Variants in FCHO2 observed in about 807,000 individuals in gnomAD.
FCHO2 encodes FCH and mu domain containing endocytic adaptor 2, also known as F-BAR domain only protein 2.
In FCHO2, 43 loss-of-function variants were observed where a neutral mutation model predicts 114.1. The observed-to-expected ratio is 0.38, with a 90% confidence interval of 0.30 to 0.49. FCHO2 has a LOEUF of 0.49. Among genes scored for constraint, FCHO2 ranks in the 20% least tolerant of loss-of-function variants. The pLI is 0.97. For synonymous variants in FCHO2, 293 were observed against 315.2 expected (o/e 0.93, Z 0.75); for missense variants, 807 against 950.4 (o/e 0.85, Z 1.98).
intron 11 of FCHO2, among the ~76,000 whole-genome samples, chr5:73,049,026 G>A (rs1401320865): frequency 2.0e-5 from 3 of 150,892 alleles, no homozygotes; most frequent in East Asian, 3.9e-4. Context: ...ACAGGCGCCC[G>A]CTACCACGCC....
At chr5:72,974,143 T>C (rs1752727219) in intron 2 of FCHO2, among the ~76,000 whole-genome samples, 3 of 149,776 alleles carry the variant, frequency 2.0e-5, no homozygotes, top group South Asian at 2.1e-4. Flanking sequence ...AGTTTTGGAA[T>C]AGGTGTGGTG....
At chr5:73,080,422 C>T (rs1475898715) in intron 22 of FCHO2, among the ~76,000 whole-genome samples, 3 of 152,140 alleles carry the variant, frequency 2.0e-5, no homozygotes, top group Admixed American at 6.5e-5. Context: ...ATCAGAAATA[C>T]ACAGTTGGAT....
At chr5:73,050,632 T>C (rs1375816925) in intron 11 of FCHO2, among the ~76,000 whole-genome samples, 6 of 152,292 alleles carry the variant, frequency 3.9e-5, no homozygotes, top group Non-Finnish European at 8.8e-5. Flanking sequence ...TCTGTGTTTT[T>C]ATTGGCAAGA....
intron 6 of FCHO2, among the ~76,000 whole-genome samples, chr5:73,012,220 G>A (rs1025104444): frequency 3.3e-5 from 5 of 152,148 alleles, no homozygotes; most frequent in African/African-American, 1.2e-4. Flanking sequence ...GATGTCACTA[G>A]GCAATAGAAA....
chr5:73,067,594 G>T (rs1742416145), intron 18 of FCHO2, among the ~76,000 whole-genome samples: 1 of 152,016 alleles, frequency 6.6e-6, no homozygotes, highest in African/African-American at 2.4e-5. Flanking sequence ...ATTGACTAGT[G>T]TATGAATGCA....
chr5:72,976,302 C>T (rs1395179608), intron 2 of FCHO2, among the ~76,000 whole-genome samples: 1 of 152,082 alleles, frequency 6.6e-6, no homozygotes, highest in East Asian at 1.9e-4. Flanking sequence ...TAGTCTCGAA[C>T]TCCTGGCCTC....
intron 16 of FCHO2, among the ~76,000 whole-genome samples, chr5:73,056,496 A>G (rs1166128334): frequency 2.0e-5 from 3 of 152,006 alleles, no homozygotes; most frequent in Non-Finnish European, 4.4e-5. Context: ...CTTTTTTTCT[A>G]GAGTTTTATT....
chr5:73,009,360 T>TC (rs1754878031), intron 6 of FCHO2, among the ~76,000 whole-genome samples: 1 of 152,270 alleles, frequency 6.6e-6, no homozygotes, highest in African/African-American at 2.4e-5. Context: ...TCATTAATTT[T>TC]TAAAATTGGA....
intron 23 of FCHO2, among the ~76,000 whole-genome samples, chr5:73,082,289 C>G (rs1045690690): frequency 7.4e-6 from 1 of 135,260 alleles, no homozygotes; most frequent in African/African-American, 2.7e-5. Context: ...TTAAAAAATA[C>G]AAATATTTTA....
intron 16 of FCHO2, 119 bp from the exon 17 acceptor site, chr5:73,058,314 A>G (rs1049090285): frequency 1.6e-6 from 1 of 631,560 alleles, no homozygotes; most frequent in African/African-American, 1.8e-5. Context: ...CCTGGCCCTA[A>G]CTTTTTAATT....
chr5:73,067,363 A>G (rs766388515), intron 18 of FCHO2, among the ~76,000 whole-genome samples: 6 of 152,022 alleles, frequency 3.9e-5, no homozygotes, highest in South Asian at 2.1e-4. Context: ...GTTCACCCCA[A>G]TGTCCTGCAC....
chr5:73,051,480 T>C (rs535284039), intron 12 of FCHO2, 74 bp downstream of exon 12: 14 of 857,118 alleles, frequency 1.6e-5, no homozygotes, highest in Non-Finnish European at 2.5e-5. Flanking sequence ...AAATCATGTA[T>C]TAAAGCCTCT....
At chr5:72,998,223 C>T (rs770256244) in intron 5 of FCHO2, among the ~76,000 whole-genome samples, 40 of 152,070 alleles carry the variant, frequency 2.6e-4, no homozygotes, top group Non-Finnish European at 1.8e-4. Context: ...CGCGGTGGCT[C>T]ACACCTGTAA....
intron 2 of FCHO2, among the ~76,000 whole-genome samples, chr5:72,970,103 G>T (rs990134005): frequency 6.6e-6 from 1 of 152,064 alleles, no homozygotes; most frequent in African/African-American, 2.4e-5. Context: ...AGTTGGAGTG[G>T]TTTTTTTGAA....
intron 11 of FCHO2, among the ~76,000 whole-genome samples, chr5:73,042,988 G>A (rs537137353): frequency 1.3e-5 from 2 of 152,270 alleles, no homozygotes; most frequent in Admixed American, 1.3e-4. Flanking sequence ...GAGTGCCGTT[G>A]TGTGATCATA....
intron 2 of FCHO2, among the ~76,000 whole-genome samples, chr5:72,983,225 C>T (rs993677697): frequency 6.6e-6 from 1 of 151,990 alleles, no homozygotes; most frequent in African/African-American, 2.4e-5. Context: ...TTTTAAAATA[C>T]TTTTAAGTTC....
intron 21 of FCHO2, 76 bp from the exon 22 acceptor site, chr5:73,078,104 G>T: frequency 8.5e-7 from 1 of 1,171,262 alleles, no homozygotes. Flanking sequence ...TTTTTCCTGT[G>T]TCACCAAATT....
chr5:73,063,026 G>A (rs1757920844), intron 17 of FCHO2, among the ~76,000 whole-genome samples: 1 of 151,926 alleles, frequency 6.6e-6, no homozygotes, highest in Admixed American at 6.6e-5. Flanking sequence ...ATTTATTAAT[G>A]ATTATTAAAC....
chr5:73,078,768 C>T (rs764965846), intron 22 of FCHO2, among the ~76,000 whole-genome samples: 62 of 152,078 alleles, frequency 4.1e-4, no homozygotes, highest in Non-Finnish European at 6.6e-4. Context: ...ATTCCTCTCA[C>T]GAGAACCAAT....
Sources: allele counts gnomAD v4.1 joint callset (sites outside exome capture counted in the v4.1 genomes callset), GRCh38; gene constraint gnomAD v4.1.1; transcripts MANE v1.5; gene names NCBI Gene and HGNC (gene_info 2026-07-23, HGNC 2026-07-21).